TNFSF4: variants seen among roughly 807,000 people sequenced by gnomAD.
TNFSF4 encodes the protein tumor necrosis factor ligand superfamily member 4.
TNFSF4 carries 4 observed loss-of-function variants against 7.3 expected under a neutral mutation model. The ratio of observed to expected loss-of-function variants is 0.55; its 90% CI spans 0.27 to 1.25. The LOEUF (loss-of-function observed/expected upper bound fraction) is 1.25. Among genes scored for constraint, TNFSF4 ranks in the 50% most tolerant of loss-of-function variants. The probability of loss-of-function intolerance (pLI) is 0.12; values close to 1 mark genes in which losing one functional copy is unlikely to be tolerated. For synonymous variants in TNFSF4, 76 were observed against 83.7 expected, an observed-to-expected ratio of 0.91 and a Z score of 0.50; for missense variants, 181 against 208.8, an observed-to-expected ratio of 0.87 and a Z score of 0.82.
chr1:173,325,752 A>T, the TNFSF4 span, among the ~76,000 whole-genome samples: 7 of 152,230 alleles, frequency 4.6e-5, no homozygotes, highest in African/African-American at 7.2e-5. Flanking sequence ...ACGCAAAGAA[A>T]CTAGAGAATC....
the TNFSF4 span, among the ~76,000 whole-genome samples, chr1:173,215,246 A>G: frequency 6.6e-6 from 1 of 152,146 alleles, no homozygotes; most frequent in Non-Finnish European, 1.5e-5. Context: ...ACACTGATCC[A>G]GAGTTCCAGC....
chr1:173,283,927 CAAAAAAA>C, the TNFSF4 span, among the ~76,000 whole-genome samples: 10 of 62,442 alleles, frequency 1.6e-4, no homozygotes, highest in African/African-American at 4.7e-4. Context: ...CTTATGAATG[CAAAAAAA>C]AAAAAAAAAA....
the TNFSF4 span, among the ~76,000 whole-genome samples, chr1:173,337,501 T>C: frequency 9.2e-5 from 14 of 152,314 alleles, no homozygotes; most frequent in East Asian, 3.9e-4. Flanking sequence ...TATGGCTTCA[T>C]TGGGCGTTCC....
Position 173,186,159 on chromosome 1 carries a change from G to A in TNFSF4, c.*357C>T, listed in dbSNP as rs1292403355. On this transcript the variant is annotated 3_prime_UTR_variant, in exon 3 of 3. Transcript: ENST00000281834. ...TTCCAGCAAATGGTAGTCAGGTACC[G>A]TTTTCAATGACATAAGTTTATTATG... The A allele has an allele frequency of 1.6e-5, 3 of 186,158 alleles. No individual in the cohort carries two copies. Among genetic ancestry groups the A allele is most frequent in the Admixed American group, 5.3e-5 (1 of 18,782 alleles). The allele number at this position is 186,158 out of a possible 1,614,324, so 11.5% of individuals were successfully genotyped here. A position where few individuals can be genotyped will look rare whatever the true frequency, so the allele number is the denominator to read the frequency against.
the TNFSF4 span, among the ~76,000 whole-genome samples, chr1:173,248,517 A>G: frequency 6.6e-6 from 1 of 151,808 alleles, no homozygotes; most frequent in East Asian, 1.9e-4. Flanking sequence ...AGAAAGAGAA[A>G]GAAGGAAGGA....
the TNFSF4 span, among the ~76,000 whole-genome samples, chr1:173,293,969 G>T: frequency 6.6e-6 from 1 of 151,850 alleles, no homozygotes; most frequent in African/African-American, 2.4e-5. Flanking sequence ...TGTTGACAAG[G>T]TTATGGAGAA....
the TNFSF4 span, among the ~76,000 whole-genome samples, chr1:173,231,426 G>C: frequency 1.3e-5 from 2 of 152,104 alleles, no homozygotes; most frequent in Admixed American, 1.3e-4. Flanking sequence ...CAATAAATTA[G>C]GTATTGATGG....
the TNFSF4 span, among the ~76,000 whole-genome samples, chr1:173,394,978 T>C: frequency 7.0e-6 from 1 of 141,958 alleles, no homozygotes; most frequent in African/African-American, 2.9e-5. Context: ...AGATAGATAA[T>C]AGAGGACACA....
At chr1:173,312,508 T>C in the TNFSF4 span, among the ~76,000 whole-genome samples, 1 of 152,092 alleles carries the variant, frequency 6.6e-6, no homozygotes, top group Non-Finnish European at 1.5e-5. Flanking sequence ...TCTGAAATCC[T>C]AAACCAAGAG....
At chr1:173,375,894 T>C in the TNFSF4 span, among the ~76,000 whole-genome samples, 1 of 152,118 alleles carries the variant, frequency 6.6e-6, no homozygotes, top group Non-Finnish European at 1.5e-5. Context: ...TTAAGAGCTG[T>C]AACACTCACC....
the TNFSF4 span, among the ~76,000 whole-genome samples, chr1:173,338,387 C>G: frequency 1.1e-4 from 17 of 152,304 alleles, no homozygotes; most frequent in South Asian, 2.9e-3. Flanking sequence ...GATGAAAGAA[C>G]TCACTTCACA....
At chr1:173,363,730 A>G in the TNFSF4 span, 4 of 209,068 alleles carry the variant, frequency 1.9e-5, no homozygotes, top group Non-Finnish European at 3.8e-5. Flanking sequence ...GAAGCAGCAG[A>G]GACCAACGCC....
chr1:173,371,517 C>A, the TNFSF4 span, among the ~76,000 whole-genome samples: 105,577 of 151,832 alleles, frequency 0.7, 36,915 homozygotes, highest in African/African-American at 0.77. Flanking sequence ...AGACCCCCCT[C>A]CTTTTCCTTA....
the TNFSF4 span, among the ~76,000 whole-genome samples, chr1:173,396,947 T>A: frequency 3.3e-5 from 5 of 152,132 alleles, no homozygotes; most frequent in Non-Finnish European, 7.4e-5. Context: ...GCCACTGAGT[T>A]AAGAATTAAA....
At chr1:173,182,917 G>A (rs1474740058), downstream of TNFSF4, among the ~76,000 whole-genome samples, 2 of 152,188 alleles carry the variant, frequency 1.3e-5, no homozygotes, top group African/African-American at 2.4e-5. Flanking sequence ...TCCTTAAAGA[G>A]GGAAGCTGCC....
the TNFSF4 span, among the ~76,000 whole-genome samples, chr1:173,416,827 A>T: frequency 6.6e-6 from 1 of 151,582 alleles, no homozygotes; most frequent in Non-Finnish European, 1.5e-5. Context: ...AAACTCCTGG[A>T]CTCAAGCGAT....
At chr1:173,421,131 A>G in the TNFSF4 span, among the ~76,000 whole-genome samples, 1 of 152,188 alleles carries the variant, frequency 6.6e-6, no homozygotes, top group Non-Finnish European at 1.5e-5. Flanking sequence ...GTTGCCAGAA[A>G]AAATATAGGC....
At chr1:173,304,428 GC>G in the TNFSF4 span, among the ~76,000 whole-genome samples, 1 of 151,884 alleles carries the variant, frequency 6.6e-6, no homozygotes, top group Non-Finnish European at 1.5e-5. Context: ...AATCTCACTG[GC>G]TAGAGAGAAT....
the TNFSF4 span, among the ~76,000 whole-genome samples, chr1:173,286,869 T>C: frequency 6.6e-6 from 1 of 152,090 alleles, no homozygotes; most frequent in Non-Finnish European, 1.5e-5. Context: ...TTAGAATATA[T>C]CTTCAACATT....
Sources: allele counts gnomAD v4.1 joint callset (sites outside exome capture counted in the v4.1 genomes callset), GRCh38; gene constraint gnomAD v4.1.1; transcripts MANE v1.5; gene names NCBI Gene and HGNC (gene_info 2026-07-23, HGNC 2026-07-21).